C17orf78: variants seen among roughly 807,000 people sequenced by gnomAD.
C17orf78 encodes uncharacterized protein C17orf78.
In C17orf78, 27 loss-of-function variants were observed where a neutral mutation model predicts 31.8. The observed-to-expected ratio is 0.85, with a 90% CI of 0.63 to 1.17. The LOEUF is 1.17. Among genes scored for constraint, C17orf78 ranks in the 50% most tolerant of loss-of-function variants. C17orf78 has a pLI of 0.00. For synonymous variants in C17orf78, 106 were observed against 115.1 expected, an observed-to-expected ratio of 0.92 and a Z score of 0.51; for missense variants, 258 against 315.2, an observed-to-expected ratio of 0.82 and a Z score of 1.37.
rs2050929222 is a variant in C17orf78, at chr17:37,392,614, G to C, written c.*890G>C. ...GTCTGAAACCATTCCATTTCATTTT[G>C]GTGAAATGTGTCTGTTTCTAAGAAA... is the stretch of plus-strand genomic sequence containing the variant. On this transcript the variant is annotated 3_prime_UTR_variant, in exon 7 of 7. Coordinates refer to ENST00000615133, the MANE Select transcript of C17orf78 (RefSeq NM_173625.5). The C allele has an allele frequency of 6.6e-6, 1 of 151,880 alleles. No homozygotes were observed. Among genetic ancestry groups the C allele is most frequent in the Admixed American group, 6.6e-5 (1 of 15,234 alleles). The allele number at this position is 151,880 out of a possible 1,614,324, so 9.4% of individuals were successfully genotyped here.
rs1475025037 is a variant in C17orf78, at chr17:37,377,898, C to T, written c.78C>T (p.Cys26=). ...ANKKDLRDSS[C]RLEQLPGIFP... is the part of the protein sequence containing the mutation. ...CCCCAGACCTCAGAGATAGCAGTTG[C>T]CGACTGGAACAGCTGCCTGGGATCT... The change falls in exon 2 of 7, where the codon TGC becomes TGT. Residue 26 remains cysteine (C), a synonymous_variant. Transcript: ENST00000615133. 5 of 1,613,344 alleles carry T rather than the reference C, an allele frequency of 3.1e-6. No individual in the cohort carries two copies. In the African/African-American group the frequency reaches 5.3e-5, roughly 17 times the overall value.
intron 4 of C17orf78, 87 bp from the exon 5 acceptor site, chr17:37,388,583 A>G: frequency 6.9e-7 from 1 of 1,455,316 alleles, no homozygotes. Context: ...TAGTCTTGTG[A>G]GCCAGAAGAA....
Position 37,377,952 on chromosome 17 carries a change from A to G in C17orf78, c.132A>G (p.Glu44=). 1.2e-6 allele frequency: 2 copies of G among 1,613,802 alleles called. No homozygotes were observed. Among genetic ancestry groups the G allele is most frequent in the African/African-American group, 1.3e-5 (1 of 75,036 alleles). ...CAAAAGACGTGAGAAGCATCAGAGA[A>G]TTGCAAATGCAAGGTAGGGAATGGG... The part of the protein sequence containing the change: ...IFPKDVRSIR[E]LQMQETHTET... The change falls in exon 2 of 7, where the codon GAA becomes GAG. Residue 44 remains glutamate (E), a synonymous_variant. Coordinates refer to ENST00000615133, the MANE Select transcript of C17orf78 (RefSeq NM_173625.5).
At chr17:37,376,717 G>A (rs954858591) in intron 1 of C17orf78, among the ~76,000 whole-genome samples, 9 of 152,210 alleles carry the variant, frequency 5.9e-5, no homozygotes, top group African/African-American at 1.9e-4. Flanking sequence ...CACTTTGGGA[G>A]GCCAAGATTG....
rs1394214499 is a variant in C17orf78 at position 37,379,433 on chromosome 17, C to T, written c.391+51C>T. Reference sequence around the variant, plus strand: ...CAGGCACTAACTTTTAGTTGACATCCTTGAAGGCAGCCAGAACTCCGTAGC... The same window carrying T: ...CAGGCACTAACTTTTAGTTGACATCTTTGAAGGCAGCCAGAACTCCGTAGC... On this transcript the variant is annotated intron_variant, in intron 3 of 6. Transcript: ENST00000615133. 2.5e-6 allele frequency: 4 copies of T among 1,568,868 alleles called. No individual in the cohort carries two copies. The African/African-American group carries it at 4.1e-5, about 16-fold the overall frequency.
intron 3 of C17orf78, among the ~76,000 whole-genome samples, chr17:37,385,113 G>A (rs1481399725): frequency 6.6e-6 from 1 of 152,000 alleles, no homozygotes; most frequent in Non-Finnish European, 1.5e-5. Context: ...CTCCTAACAG[G>A]TTACCCTCCT....
chr17:37,381,105 A>G (rs2050234756), intron 3 of C17orf78, among the ~76,000 whole-genome samples: 1 of 152,038 alleles, frequency 6.6e-6, no homozygotes, highest in South Asian at 2.1e-4. Context: ...AAAAACATAA[A>G]TGGTAACATA....
chr17:37,387,280 T>C (rs56116846), intron 4 of C17orf78: 102,963 of 150,798 alleles, frequency 0.68, 36,234 homozygotes, highest in East Asian at 0.96. Context: ...CCACCACGCC[T>C]GGCTAATTTT....
chr17:37,380,837 C>T (rs2050216429), intron 3 of C17orf78, among the ~76,000 whole-genome samples: 2 of 151,954 alleles, frequency 1.3e-5, no homozygotes, highest in Admixed American at 1.3e-4. Flanking sequence ...CCTCAAGTAT[C>T]TGCCCGCCTT....
chr17:37,391,256 G>C (rs771174847), intron 6 of C17orf78, among the ~76,000 whole-genome samples: 26 of 152,170 alleles, frequency 1.7e-4, no homozygotes, highest in Admixed American at 5.2e-4. Context: ...ATAGTACTAA[G>C]ATAGCAATCT....
intron 3 of C17orf78, among the ~76,000 whole-genome samples, chr17:37,382,776 C>T (rs1315140515): frequency 2.6e-5 from 4 of 152,204 alleles, no homozygotes; most frequent in African/African-American, 4.8e-5. Context: ...AGAAGAATAG[C>T]TTGAACCCAG....
intron 3 of C17orf78, among the ~76,000 whole-genome samples, chr17:37,380,546 GT>G (rs1357488051): frequency 6.6e-6 from 1 of 151,980 alleles, no homozygotes; most frequent in East Asian, 1.9e-4. Context: ...TGATTTTCAT[GT>G]GATCTCCATT....
At chr17:37,391,057 G>A (rs2050861976) in intron 6 of C17orf78, among the ~76,000 whole-genome samples, 1 of 151,968 alleles carries the variant, frequency 6.6e-6, no homozygotes, top group South Asian at 2.1e-4. Context: ...TGACCAACAA[G>A]GTGAAACTGT....
chr17:37,390,334 A>ATATATATATT, intron 6 of C17orf78, among the ~76,000 whole-genome samples: 1 of 93,422 alleles, frequency 1.1e-5, no homozygotes, highest in African/African-American at 4.5e-5. Flanking sequence ...ATATATATAT[A>ATATATATATT]AAAGGCCAGC....
At chr17:37,381,644 T>C (rs2050265994) in intron 3 of C17orf78, among the ~76,000 whole-genome samples, 1 of 149,686 alleles carries the variant, frequency 6.7e-6, no homozygotes, top group African/African-American at 2.5e-5. Context: ...TTTTTTTTTT[T>C]TGAGACAGAG....
At position 37,375,997 on chromosome 17, in the gene C17orf78, C is replaced by A; in HGVS notation, c.-96C>A. On this transcript the variant is annotated 5_prime_UTR_variant, in exon 1 of 7. Transcript: ENST00000615133. Reference sequence around the variant, plus strand: ...AGTCTCTCAGGGTCAAACTTGGTTCCAGCTGCGTGTGGTGAAAGCAACTAG... The same window carrying A: ...AGTCTCTCAGGGTCAAACTTGGTTCAAGCTGCGTGTGGTGAAAGCAACTAG... 1.9e-6 allele frequency: 2 copies of A among 1,063,124 alleles called. No individual in the cohort carries two copies. The highest frequency in any genetic ancestry group is 1.4e-6 in the Non-Finnish European group (1 of 697,108). 65.9% of individuals were successfully genotyped at this position (1,063,124 alleles called of 1,614,324 possible). A position where few individuals can be genotyped will look rare whatever the true frequency, so the allele number is the denominator to read the frequency against.
intron 3 of C17orf78, among the ~76,000 whole-genome samples, chr17:37,381,869 T>A (rs188143307): frequency 6.6e-6 from 1 of 151,464 alleles, no homozygotes; most frequent in Non-Finnish European, 1.5e-5. Context: ...CCTTGTGATC[T>A]GCCCGCCTTG....
rs767556417 is a variant in C17orf78 at position 37,388,673 on chromosome 17, C to T, written c.512C>T (p.Thr171Ile). 4 of 1,611,948 alleles carry T rather than the reference C, an allele frequency of 2.5e-6. No individual in the cohort carries two copies. Among genetic ancestry groups the T allele is most frequent in the Admixed American group, 1.7e-5 (1 of 59,782 alleles). ...TCCACTCCCCTCTCTCCTTTAGACA[C>T]AGATGAGAACCTAGAGAAGAGACAG... The part of the protein sequence containing the change: ...KEGEKTTSTD[T>I]DENLEKRQKW... The change falls in exon 5 of 7, where the codon ACA (threonine) becomes ATA (isoleucine). Residue 171 changes from threonine to isoleucine, a missense_variant. By Grantham distance (89) the Thr-to-Ile change is moderately conservative. Coordinates refer to ENST00000615133, the MANE Select transcript of C17orf78 (RefSeq NM_173625.5).
At chr17:37,384,712 G>T (rs1206259383) in intron 3 of C17orf78, among the ~76,000 whole-genome samples, 1 of 152,132 alleles carries the variant, frequency 6.6e-6, no homozygotes, top group East Asian at 1.9e-4. Context: ...TTTTGAACTT[G>T]TTGACTTTAT....
Sources: gnomAD v4.1 joint callset for allele counts (sites outside exome capture counted in the v4.1 genomes callset) on GRCh38, gnomAD v4.1.1 for gene constraint, MANE v1.5 for transcripts, NCBI Gene and HGNC (gene_info 2026-07-23, HGNC 2026-07-21) for gene names.